Variants in PSMB1 observed in about 807,000 individuals in gnomAD.
PSMB1 encodes proteasome subunit beta type-1.
A neutral mutation model predicts 25.4 loss-of-function variants in PSMB1; 7 were observed. The observed-to-expected ratio is 0.28, with a 90% confidence interval of 0.16 to 0.52. The LOEUF is 0.52. PSMB1 is among the 20% of genes least tolerant of loss of function. PSMB1 has a pLI of 0.97. For missense variants in PSMB1, 284 were observed against 302.2 expected (o/e 0.94, Z 0.45); for synonymous variants, 119 against 115.0 (o/e 1.03, Z -0.22).
intron 4 of PSMB1, among the ~76,000 whole-genome samples, chr6:170,542,712 A>C (rs1384526425): frequency 6.6e-6 from 1 of 152,138 alleles, no homozygotes; most frequent in Non-Finnish European, 1.5e-5. Context: ...CTGGAACCCC[A>C]ACTAGGTTCG....
At chr6:170,552,981 G>A in intron 1 of PSMB1, 149 bp downstream of exon 1, 1 of 643,708 alleles carries the variant, frequency 1.6e-6, no homozygotes. Flanking sequence ...AGGACGGCAG[G>A]GAGACCGGCC....
chr6:170,546,651 A>G (rs1036292692), intron 2 of PSMB1, among the ~76,000 whole-genome samples: 1 of 152,166 alleles, frequency 6.6e-6, no homozygotes, highest in African/African-American at 2.4e-5. Context: ...TTTTTAGTAC[A>G]GATGGGGTTT....
At chr6:170,552,547 T>A (rs771661410) in intron 1 of PSMB1, among the ~76,000 whole-genome samples, 11 of 151,896 alleles carry the variant, frequency 7.2e-5, no homozygotes, top group Non-Finnish European at 1.6e-4. Context: ...TCTATGAAAC[T>A]AAGTTTGCTC....
intron 5 of PSMB1, among the ~76,000 whole-genome samples, chr6:170,536,658 AGTTT>A (rs1778697903): frequency 1.3e-5 from 2 of 152,198 alleles, no homozygotes; most frequent in South Asian, 2.1e-4. Context: ...TCTTTCCTGT[AGTTT>A]ATTTATCATA....
intron 1 of PSMB1, among the ~76,000 whole-genome samples, chr6:170,552,241 CG>C (rs895363612): frequency 7.9e-4 from 120 of 152,250 alleles, no homozygotes; most frequent in African/African-American, 2.0e-3. Context: ...TAAGAACCAT[CG>C]GTTCGTTCAA....
At chr6:170,546,247 C>A in intron 2 of PSMB1, 63 bp from the exon 3 acceptor site, 1 of 1,341,206 alleles carries the variant, frequency 7.5e-7, no homozygotes, top group Non-Finnish European at 1.1e-6. Context: ...ATATCTTCGG[C>A]AATTTTAAAT....
intron 3 of PSMB1, among the ~76,000 whole-genome samples, chr6:170,545,041 G>C (rs1583115185): frequency 6.6e-6 from 1 of 151,936 alleles, no homozygotes; most frequent in Non-Finnish European, 1.5e-5. Flanking sequence ...CTACTCGGGA[G>C]GCTGTGGCAG....
chr6:170,542,054 C>T (rs1778764115), intron 4 of PSMB1, among the ~76,000 whole-genome samples: 1 of 152,202 alleles, frequency 6.6e-6, no homozygotes, highest in South Asian at 2.1e-4. Context: ...TGTAGCTAGA[C>T]TCTAATTACC....
chr6:170,551,762 G>C (rs1778905889), intron 1 of PSMB1, among the ~76,000 whole-genome samples: 1 of 152,212 alleles, frequency 6.6e-6, no homozygotes, highest in African/African-American at 2.4e-5. Context: ...CTTCACACCA[G>C]CTCTCTGACC....
In PSMB1 at chr6:170,535,204, GA is replaced by G; in HGVS notation, c.*15del. ...ATCAACCAGGTCTGAACTGATTGGT[GA>G]TAAGAGCACACAGATCAGTCCTTCC... On this transcript the variant is annotated 3_prime_UTR_variant, in exon 6 of 6. Transcript: ENST00000262193. The G allele has an allele frequency of 6.2e-7, 1 of 1,611,770 alleles. No individual in the cohort carries two copies. The highest frequency in any genetic ancestry group is 8.5e-7 in the Non-Finnish European group (1 of 1,178,324).
intron 4 of PSMB1, among the ~76,000 whole-genome samples, chr6:170,543,216 A>G (rs2114977850): frequency 6.6e-6 from 1 of 152,272 alleles, no homozygotes; most frequent in East Asian, 1.9e-4. Flanking sequence ...AATTACCCCA[A>G]ATGACTTCTA....
chr6:170,542,422 G>A (rs1461077261), intron 4 of PSMB1, among the ~76,000 whole-genome samples: 1 of 152,126 alleles, frequency 6.6e-6, no homozygotes, highest in Non-Finnish European at 1.5e-5. Context: ...GAGATGTTCT[G>A]TGATGTGGCC....
chr6:170,551,502 A>G (rs1305678479), intron 1 of PSMB1, among the ~76,000 whole-genome samples: 2 of 152,242 alleles, frequency 1.3e-5, no homozygotes, highest in Non-Finnish European at 2.9e-5. Context: ...AAGTAATCAG[A>G]AAGATCTAAG....
intron 4 of PSMB1, among the ~76,000 whole-genome samples, chr6:170,538,332 T>C (rs1159896464): frequency 6.6e-6 from 1 of 152,186 alleles, no homozygotes; most frequent in East Asian, 1.9e-4. Flanking sequence ...CCCTGGGAGA[T>C]GTGATATAGG....
At chr6:170,550,289 A>G (rs1778874429) in intron 1 of PSMB1, 1 of 152,260 alleles carries the variant, frequency 6.6e-6, no homozygotes, top group Non-Finnish European at 1.5e-5. Context: ...CATACATTCA[A>G]GCAACTCATT....
intron 4 of PSMB1, among the ~76,000 whole-genome samples, chr6:170,537,700 G>T (rs939441133): frequency 6.6e-6 from 1 of 152,184 alleles, no homozygotes; most frequent in African/African-American, 2.4e-5. Flanking sequence ...TTCAGGTAAA[G>T]ATGACAAGAG....
At chr6:170,550,902 TGAG>T (rs756941526) in intron 1 of PSMB1, among the ~76,000 whole-genome samples, 224 of 4,426 alleles carry the variant, frequency 0.051, 6 homozygotes, top group East Asian at 0.21. Flanking sequence ...TTTGGGAGGC[TGAG>T]GGGGGGGGGG....
At chr6:170,546,999 A>G (rs894316794) in intron 2 of PSMB1, among the ~76,000 whole-genome samples, 1 of 152,208 alleles carries the variant, frequency 6.6e-6, no homozygotes, top group Admixed American at 6.5e-5. Flanking sequence ...CAAGTCACAG[A>G]AAAAAGAGAC....
At chr6:170,536,176 A>T in intron 5 of PSMB1, 1 of 319,200 alleles carries the variant, frequency 3.1e-6, no homozygotes, top group South Asian at 2.6e-5. Context: ...GTTTTTGGAG[A>T]CTCGCAACAC....
Sources: allele counts gnomAD v4.1 joint callset (sites outside exome capture counted in the v4.1 genomes callset), GRCh38; gene constraint gnomAD v4.1.1; transcripts MANE v1.5; gene names NCBI Gene and HGNC (gene_info 2026-07-23, HGNC 2026-07-21).